Variants in EXOC4 observed in about 807,000 individuals in gnomAD.
The protein encoded by EXOC4 is exocyst complex component 4.
Under a neutral mutation model 107.2 loss-of-function variants are expected in EXOC4, and 71 were observed. That is an observed-to-expected ratio of 0.66 (90% CI 0.55 to 0.81). The LOEUF is 0.81. Among genes scored for constraint, EXOC4 ranks in the 30% least tolerant of loss-of-function variants. EXOC4 has a pLI of 0.00. For synonymous variants in EXOC4, 456 were observed against 441.2 expected, an observed-to-expected ratio of 1.03 and a Z score of -0.42; for missense variants, 1,108 against 1,189.6, an observed-to-expected ratio of 0.93 and a Z score of 1.01.
At chr7:133,282,784 A>G (rs1794187294) in intron 2 of EXOC4, among the ~76,000 whole-genome samples, 1 of 152,222 alleles carries the variant, frequency 6.6e-6, no homozygotes, top group Non-Finnish European at 1.5e-5. Flanking sequence ...ATTTGTGGTG[A>G]GAATACTTAG....
chr7:133,567,195 A>C (rs1800923255), intron 9 of EXOC4, among the ~76,000 whole-genome samples: 1 of 152,112 alleles, frequency 6.6e-6, no homozygotes, highest in African/African-American at 2.4e-5. Flanking sequence ...CCACAGGTTA[A>C]TTTATATCAT....
At chr7:133,734,105 A>C (rs1263016137) in intron 10 of EXOC4, among the ~76,000 whole-genome samples, 2 of 152,200 alleles carry the variant, frequency 1.3e-5, no homozygotes, top group Non-Finnish European at 2.9e-5. Flanking sequence ...ACCATTTACC[A>C]ACCACTAGAC....
At chr7:133,446,186 G>C (rs6961517) in intron 7 of EXOC4, among the ~76,000 whole-genome samples, 1 of 151,838 alleles carries the variant, frequency 6.6e-6, no homozygotes, top group Admixed American at 6.6e-5. Context: ...TCTGGTATCA[G>C]TATTCTCTGT....
chr7:133,677,588 A>G (rs1562903628), intron 10 of EXOC4, among the ~76,000 whole-genome samples: 1 of 152,226 alleles, frequency 6.6e-6, no homozygotes, highest in Non-Finnish European at 1.5e-5. Flanking sequence ...CTTTCTTTAT[A>G]CATTTCAGCT....
chr7:133,864,561 T>C (rs1798597326), intron 11 of EXOC4, among the ~76,000 whole-genome samples: 1 of 152,244 alleles, frequency 6.6e-6, no homozygotes, highest in Non-Finnish European at 1.5e-5. Flanking sequence ...CCATGGCATA[T>C]TGGTAAGCAG....
intron 14 of EXOC4, among the ~76,000 whole-genome samples, chr7:133,951,919 G>A (rs138032718): frequency 1.1e-3 from 165 of 152,318 alleles, no homozygotes; most frequent in African/African-American, 3.7e-3. Flanking sequence ...TACCACTCTG[G>A]GGGGCCAAGG....
chr7:133,826,140 G>C (rs1460558061), intron 11 of EXOC4, among the ~76,000 whole-genome samples: 1 of 152,098 alleles, frequency 6.6e-6, no homozygotes, highest in Non-Finnish European at 1.5e-5. Context: ...TCTTTGTTTA[G>C]ATTGTCCAGC....
intron 11 of EXOC4, among the ~76,000 whole-genome samples, chr7:133,855,102 TAA>T (rs1258692825): frequency 4.3e-4 from 18 of 41,906 alleles, no homozygotes; most frequent in South Asian, 1.9e-3. Context: ...AATATATATA[TAA>T]ATATATATAA....
intron 9 of EXOC4, among the ~76,000 whole-genome samples, chr7:133,606,637 C>T (rs1189432935): frequency 1.3e-5 from 2 of 151,718 alleles, no homozygotes; most frequent in Non-Finnish European, 2.9e-5. Context: ...TCCTCAGCCT[C>T]CTGAGTAGCT....
At chr7:133,388,014 A>C (rs1796767528) in intron 7 of EXOC4, among the ~76,000 whole-genome samples, 1 of 151,962 alleles carries the variant, frequency 6.6e-6, no homozygotes, top group Non-Finnish European at 1.5e-5. Flanking sequence ...CAAAAACAAA[A>C]AAAAAAGATT....
chr7:133,853,970 G>A (rs1275572512), intron 11 of EXOC4, among the ~76,000 whole-genome samples: 2 of 152,144 alleles, frequency 1.3e-5, no homozygotes, highest in African/African-American at 4.8e-5. Context: ...AGGGGGCGGG[G>A]TGAGTCAAAA....
chr7:133,746,122 C>CTTGTT (rs993137412), intron 10 of EXOC4, among the ~76,000 whole-genome samples: 2 of 152,158 alleles, frequency 1.3e-5, no homozygotes. Flanking sequence ...TACATGTTCA[C>CTTGTT]TTGTTTTGTT....
intron 17 of EXOC4, among the ~76,000 whole-genome samples, chr7:134,012,999 C>T (rs1794807252): frequency 1.3e-5 from 2 of 152,180 alleles, no homozygotes; most frequent in African/African-American, 4.8e-5. Flanking sequence ...GCCTGAAATG[C>T]TTTGGTTTGC....
At chr7:133,721,437 C>T (rs935503371) in intron 10 of EXOC4, among the ~76,000 whole-genome samples, 1 of 152,080 alleles carries the variant, frequency 6.6e-6, no homozygotes, top group African/African-American at 2.4e-5. Context: ...GTCAGAAAAA[C>T]GATACGTTTG....
intron 13 of EXOC4, among the ~76,000 whole-genome samples, chr7:133,937,680 CT>C (rs1489093256): frequency 2.6e-5 from 4 of 152,176 alleles, no homozygotes; most frequent in Non-Finnish European, 5.9e-5. Flanking sequence ...ATTGGAGTCA[CT>C]TATTTCTTCT....
At chr7:133,654,701 C>A (rs780072152) in intron 10 of EXOC4, among the ~76,000 whole-genome samples, 2 of 152,142 alleles carry the variant, frequency 1.3e-5, no homozygotes, top group Non-Finnish European at 2.9e-5. Flanking sequence ...TATAGTCACA[C>A]ATCACTTAAC....
chr7:133,370,126 C>T (rs1393825000), intron 6 of EXOC4, among the ~76,000 whole-genome samples: 1 of 143,772 alleles, frequency 7.0e-6, no homozygotes, highest in Non-Finnish European at 1.5e-5. Context: ...TTAATTCTCT[C>T]TCCCCCCCGC....
chr7:133,326,948 A>G (rs1473320830), intron 5 of EXOC4, among the ~76,000 whole-genome samples: 1 of 152,200 alleles, frequency 6.6e-6, no homozygotes, highest in Non-Finnish European at 1.5e-5. Flanking sequence ...CTTGCAGGTC[A>G]ATCTCAGACT....
intron 16 of EXOC4, 141 bp from the exon 17 acceptor site, chr7:134,007,535 T>TG: frequency 1.5e-6 from 1 of 681,966 alleles, no homozygotes; most frequent in Non-Finnish European, 2.2e-6. Flanking sequence ...GATCAGCAGA[T>TG]GCAACCATCA....
Sources: gnomAD v4.1 joint callset for allele counts (sites outside exome capture counted in the v4.1 genomes callset) on GRCh38, gnomAD v4.1.1 for gene constraint, MANE v1.5 for transcripts, NCBI Gene and HGNC (gene_info 2026-07-23, HGNC 2026-07-21) for gene names.